The following CHLSN variants were observed in gnomAD, a reference collection of about 807,000 sequenced individuals.
The protein encoded by CHLSN is protein cholesin.
the CHLSN span, among the ~76,000 whole-genome samples, chr7:1,107,223 C>A: frequency 6.6e-6 from 1 of 152,208 alleles, no homozygotes; most frequent in African/African-American, 2.4e-5. Context: ...GCCCTGTCTG[C>A]AACCCACTAT....
At chr7:1,115,155 G>C in the CHLSN span, among the ~76,000 whole-genome samples, 1 of 152,230 alleles carries the variant, frequency 6.6e-6, no homozygotes, top group African/African-American at 2.4e-5. Flanking sequence ...GATCCAAAAA[G>C]ATATGCCTCA....
chr7:1,009,296 G>A, the CHLSN span, among the ~76,000 whole-genome samples: 1 of 152,280 alleles, frequency 6.6e-6, no homozygotes, highest in Non-Finnish European at 1.5e-5. Flanking sequence ...CGTGGACGCC[G>A]TGACACCCCT....
the CHLSN span, among the ~76,000 whole-genome samples, chr7:1,098,912 T>C: frequency 1.3e-5 from 2 of 152,232 alleles, no homozygotes; most frequent in East Asian, 1.9e-4. Context: ...ATTGTGGCGA[T>C]GGCTGCACAA....
the CHLSN span, among the ~76,000 whole-genome samples, chr7:1,084,038 A>T: frequency 6.6e-6 from 1 of 152,264 alleles, no homozygotes; most frequent in East Asian, 1.9e-4. Context: ...AGACATGGCA[A>T]GTCTGTCTGA....
chr7:1,137,836 G>C, the CHLSN span: 1 of 152,250 alleles, frequency 6.6e-6, no homozygotes, highest in African/African-American at 2.4e-5. Flanking sequence ...AGTGGGAGCT[G>C]AAAGCCTCGG....
chr7:1,047,685 C>T, the CHLSN span, among the ~76,000 whole-genome samples: 2 of 152,240 alleles, frequency 1.3e-5, no homozygotes, highest in African/African-American at 2.4e-5. Flanking sequence ...AGGAGCTGGC[C>T]GTGGCCTTTC....
At chr7:1,110,409 GC>G in the CHLSN span, among the ~76,000 whole-genome samples, 1 of 152,200 alleles carries the variant, frequency 6.6e-6, no homozygotes, top group Non-Finnish European at 1.5e-5. Flanking sequence ...CTCTCCCCGC[GC>G]CGGCACCTCC....
the CHLSN span, chr7:1,028,114 G>A: frequency 2.2e-6 from 1 of 454,298 alleles, no homozygotes; most frequent in Non-Finnish European, 2.9e-6. Flanking sequence ...GGGGTCTGCA[G>A]GGCGGAGCGG....
the CHLSN span, among the ~76,000 whole-genome samples, chr7:1,136,605 AAT>A: frequency 1.4e-5 from 2 of 143,728 alleles, no homozygotes; most frequent in African/African-American, 2.5e-5. Context: ...AACATATATA[AAT>A]ATATATAAAT....
the CHLSN span, among the ~76,000 whole-genome samples, chr7:1,115,423 T>A: frequency 6.6e-6 from 1 of 152,134 alleles, no homozygotes; most frequent in African/African-American, 2.4e-5. Context: ...CAGGAGGCGC[T>A]CCCCATCACC....
the CHLSN span, among the ~76,000 whole-genome samples, chr7:1,002,960 G>C: frequency 9.8e-6 from 1 of 102,010 alleles, no homozygotes; most frequent in Non-Finnish European, 2.0e-5. Flanking sequence ...GAGTCCTGTG[G>C]GTGAGTGGAG....
chr7:1,023,666 CACACACACA>C, the CHLSN span, among the ~76,000 whole-genome samples: 12 of 106,512 alleles, frequency 1.1e-4, no homozygotes, highest in African/African-American at 3.3e-4. This position sits in a 1 kb window ranked among gnomAD's most constrained non-coding sequence, Gnocchi z 5.0. Flanking sequence ...CACACACACA[CACACACACA>C]CACCAGCAAC....
chr7:1,031,804 G>A, the CHLSN span, among the ~76,000 whole-genome samples: 388 of 101,542 alleles, frequency 3.8e-3, 4 homozygotes, highest in African/African-American at 0.016. Context: ...GGTCCGGGGC[G>A]GCAGAGACCT....
chr7:1,019,105 C>A, the CHLSN span, among the ~76,000 whole-genome samples: 1 of 148,156 alleles, frequency 6.7e-6, no homozygotes, highest in South Asian at 2.1e-4. Context: ...TGCGGCAGAA[C>A]TGCTTGAACC....
At chr7:1,028,900 GT>G in the CHLSN span, 1 of 688,572 alleles carries the variant, frequency 1.5e-6, no homozygotes, top group Non-Finnish European at 1.7e-6. Flanking sequence ...CTGACTCCAT[GT>G]CCCCCCATCT....
chr7:1,043,688 C>T, the CHLSN span: 1,180 of 152,552 alleles, frequency 7.7e-3, 7 homozygotes, highest in Non-Finnish European at 0.014. Context: ...GAATAGAAAG[C>T]TGATCCCGAC....
At chr7:1,028,765 T>A in the CHLSN span, 1 of 690,410 alleles carries the variant, frequency 1.4e-6, no homozygotes, top group Non-Finnish European at 1.7e-6. Context: ...TGTCCCCATC[T>A]CCCCTAGTCT....
chr7:1,012,351 C>T, the CHLSN span, among the ~76,000 whole-genome samples: 3 of 152,350 alleles, frequency 2.0e-5, no homozygotes, highest in East Asian at 1.9e-4. Flanking sequence ...GCAACAGCAA[C>T]GTGGGCGCTG....
the CHLSN span, among the ~76,000 whole-genome samples, chr7:1,124,492 T>C: frequency 3.0e-3 from 422 of 142,512 alleles, 1 homozygote; most frequent in African/African-American, 0.011. Flanking sequence ...CCAGCGTCCA[T>C]CTGGAACCCA....
Sources: allele counts gnomAD v4.1 joint callset (sites outside exome capture counted in the v4.1 genomes callset), GRCh38; gene constraint gnomAD v4.1.1; non-coding constraint Gnocchi (gnomAD v3.1); transcripts MANE v1.5; gene names NCBI Gene and HGNC (gene_info 2026-07-23, HGNC 2026-07-21).